Variants in AK9 observed in about 807,000 individuals in gnomAD.
AK9 encodes the protein adenylate kinase 9, also known as adenylate kinase domain containing 1.
Under a neutral mutation model 239.6 loss-of-function variants are expected in AK9, and 191 were observed. That is an observed-to-expected ratio of 0.80 (90% CI 0.71 to 0.90). AK9 has a LOEUF of 0.90. Among genes scored for constraint, AK9 ranks in the 40% least tolerant of loss-of-function variants. AK9 has a pLI of 0.00. For synonymous variants in AK9, 689 were observed against 721.0 expected (o/e 0.96, Z 0.71); for missense variants, 1,995 against 2,214.7 (o/e 0.90, Z 1.99).
intron 17 of AK9, among the ~76,000 whole-genome samples, chr6:109,607,014 G>C (rs1007046921): frequency 5.3e-5 from 8 of 152,082 alleles, no homozygotes; most frequent in Non-Finnish European, 1.2e-4. Flanking sequence ...CCCTGGACTG[G>C]ATCATACATT....
chr6:109,600,176 CCA>C (rs1791709814), intron 17 of AK9, among the ~76,000 whole-genome samples: 1 of 152,136 alleles, frequency 6.6e-6, no homozygotes, highest in Non-Finnish European at 1.5e-5. Flanking sequence ...GGGAATGCTT[CCA>C]GTTTTTGCCC....
intron 5 of AK9, among the ~76,000 whole-genome samples, chr6:109,667,804 G>A (rs1487077957): frequency 1.3e-5 from 2 of 152,098 alleles, no homozygotes; most frequent in African/African-American, 4.8e-5. Context: ...GTCTATCATC[G>A]TTGGACATCT....
At chr6:109,570,298 G>A (rs1158349700) in intron 21 of AK9, among the ~76,000 whole-genome samples, 1 of 151,836 alleles carries the variant, frequency 6.6e-6, no homozygotes, top group Non-Finnish European at 1.5e-5. Context: ...GGGAAGGGGG[G>A]AGGGATAGCA....
intron 24 of AK9, among the ~76,000 whole-genome samples, chr6:109,554,362 C>T (rs1784709964): frequency 1.3e-5 from 2 of 152,064 alleles, no homozygotes; most frequent in South Asian, 4.2e-4. Flanking sequence ...TAATTACCTC[C>T]TCAATTTCAG....
intron 32 of AK9, among the ~76,000 whole-genome samples, chr6:109,513,516 A>G (rs1275366790): frequency 6.6e-6 from 1 of 152,028 alleles, no homozygotes; most frequent in East Asian, 1.9e-4. Flanking sequence ...GTTGGGTTAT[A>G]TTTTCGAATG....
intron 17 of AK9, among the ~76,000 whole-genome samples, chr6:109,592,594 C>T (rs1394820365): frequency 6.6e-6 from 1 of 151,922 alleles, no homozygotes; most frequent in Non-Finnish European, 1.5e-5. Context: ...CTACAGGCGC[C>T]TGCCACCTCG....
intron 26 of AK9, among the ~76,000 whole-genome samples, chr6:109,545,562 G>A (rs1295584028): frequency 6.6e-6 from 1 of 152,076 alleles, no homozygotes; most frequent in Non-Finnish European, 1.5e-5. Context: ...GATGTGATTT[G>A]CTCCTCCTTG....
At chr6:109,515,751 A>G in intron 31 of AK9, 106 bp downstream of exon 31, 1 of 1,039,962 alleles carries the variant, frequency 9.6e-7, no homozygotes, top group Non-Finnish European at 1.4e-6. Flanking sequence ...CTACTACACA[A>G]TACTTACAAT....
At chr6:109,534,960 A>G (rs555292564) in intron 27 of AK9, among the ~76,000 whole-genome samples, 1 of 152,290 alleles carries the variant, frequency 6.6e-6, no homozygotes, top group African/African-American at 2.4e-5. Flanking sequence ...GCTGCATAGT[A>G]TTCCATGGTG....
At chr6:109,602,061 T>C (rs1346019895) in intron 17 of AK9, among the ~76,000 whole-genome samples, 1 of 152,212 alleles carries the variant, frequency 6.6e-6, no homozygotes, top group Non-Finnish European at 1.5e-5. Context: ...AATTGGAGCA[T>C]TTAGCCCATT....
chr6:109,619,294 C>CGTTGTT, intron 12 of AK9, 58 bp from the exon 13 acceptor site: 1 of 1,474,970 alleles, frequency 6.8e-7, no homozygotes, highest in Non-Finnish European at 9.0e-7. Context: ...CTATTAAACA[C>CGTTGTT]ATTGTTCATC....
intron 24 of AK9, among the ~76,000 whole-genome samples, chr6:109,558,291 T>C (rs1451083573): frequency 2.0e-5 from 3 of 152,218 alleles, no homozygotes; most frequent in Non-Finnish European, 4.4e-5. Context: ...TTTGGTGTCA[T>C]GTCTAAGAAA....
At chr6:109,564,439 C>CT (rs1786205586) in intron 22 of AK9, among the ~76,000 whole-genome samples, 159 bp from the exon 23 acceptor site, 1 of 152,098 alleles carries the variant, frequency 6.6e-6, no homozygotes, top group Non-Finnish European at 1.5e-5. Flanking sequence ...TTTAATTATG[C>CT]TTTGTTCTTA....
At chr6:109,656,633 C>G (rs905726457) in intron 8 of AK9, 123 bp downstream of exon 8, 5 of 1,128,546 alleles carry the variant, frequency 4.4e-6, no homozygotes, top group Non-Finnish European at 6.1e-6. Context: ...CAGCTTTCTA[C>G]AAAGCTCAAG....
At chr6:109,553,080 C>T (rs577404303) in intron 24 of AK9, among the ~76,000 whole-genome samples, 9 of 152,096 alleles carry the variant, frequency 5.9e-5, no homozygotes, top group Admixed American at 3.9e-4. Context: ...GTTTTGGTAC[C>T]AGTACCATGC....
chr6:109,588,136 T>A (rs1789753251), intron 17 of AK9, among the ~76,000 whole-genome samples: 1 of 152,132 alleles, frequency 6.6e-6, no homozygotes, highest in Non-Finnish European at 1.5e-5. Context: ...AGTGGCGCGA[T>A]CTCGACTCAC....
chr6:109,541,290 T>A (rs936932770), intron 27 of AK9, among the ~76,000 whole-genome samples: 1 of 152,240 alleles, frequency 6.6e-6, no homozygotes, highest in African/African-American at 2.4e-5. Flanking sequence ...TCAGAGGTTA[T>A]TAAAAGTTTA....
At chr6:109,672,384 G>C (rs575553485) in intron 3 of AK9, among the ~76,000 whole-genome samples, 5 of 152,130 alleles carry the variant, frequency 3.3e-5, no homozygotes, top group African/African-American at 1.2e-4. Flanking sequence ...CACTTACTAA[G>C]CTTAAGAATC....
At chr6:109,656,665 A>G in intron 8 of AK9, 91 bp downstream of exon 8, 1 of 1,359,320 alleles carries the variant, frequency 7.4e-7, no homozygotes, top group Non-Finnish European at 1.0e-6. Flanking sequence ...ACAGATAATA[A>G]CACATGGGGA....
Sources: allele counts gnomAD v4.1 joint callset (sites outside exome capture counted in the v4.1 genomes callset), GRCh38; gene constraint gnomAD v4.1.1; transcripts MANE v1.5; gene names NCBI Gene and HGNC (gene_info 2026-07-23, HGNC 2026-07-21).